Variants in SGK3 observed in about 807,000 individuals in gnomAD.
SGK3 encodes serine/threonine-protein kinase Sgk3.
In SGK3, 47 loss-of-function variants were observed where a neutral mutation model predicts 68.5. That is an observed-to-expected ratio of 0.69 (90% confidence interval 0.54 to 0.87). SGK3 has a LOEUF of 0.87. Among genes scored for constraint, SGK3 ranks in the 40% least tolerant of loss-of-function variants. SGK3 has a pLI of 0.00. For synonymous variants in SGK3, 181 were observed against 189.1 expected (o/e 0.96, Z 0.35); for missense variants, 479 against 575.5 (o/e 0.83, Z 1.72).
chr8:66,788,099 C>T (rs1563627567), intron 1 of SGK3, among the ~76,000 whole-genome samples: 2 of 152,190 alleles, frequency 1.3e-5, no homozygotes, highest in Non-Finnish European at 2.9e-5. Flanking sequence ...GCTAACTGGC[C>T]TTAGGATCCT....
At chr8:66,770,911 T>C in intron 1 of SGK3, among the ~76,000 whole-genome samples, 1 of 152,252 alleles carries the variant, frequency 6.6e-6, no homozygotes, top group Admixed American at 6.5e-5. Context: ...TTCCACTCCC[T>C]GTATCATGGT....
chr8:66,814,945 G>A (rs749576505), intron 5 of SGK3, among the ~76,000 whole-genome samples: 6 of 152,166 alleles, frequency 3.9e-5, no homozygotes, highest in Non-Finnish European at 7.3e-5. Context: ...TATTCTAAGA[G>A]GAAATGAAGA....
intron 2 of SGK3, among the ~76,000 whole-genome samples, chr8:66,795,249 G>T (rs558312075): frequency 1.3e-5 from 2 of 152,306 alleles, no homozygotes; most frequent in South Asian, 4.1e-4. Flanking sequence ...CAGTCCCTCT[G>T]TCCTCTCTTC....
intron 15 of SGK3, among the ~76,000 whole-genome samples, chr8:66,848,531 T>A (rs1400288019): frequency 2.0e-5 from 3 of 152,246 alleles, no homozygotes; most frequent in African/African-American, 7.2e-5. Flanking sequence ...CTTAGCTTCC[T>A]GCTATCAAAT....
chr8:66,725,036 C>G (rs1455408035), intron 1 of SGK3, among the ~76,000 whole-genome samples: 1 of 152,070 alleles, frequency 6.6e-6, no homozygotes, highest in Non-Finnish European at 1.5e-5. Flanking sequence ...ACCATCCTGG[C>G]TAACATGGTG....
At chr8:66,813,392 G>C (rs1255893066) in intron 4 of SGK3, among the ~76,000 whole-genome samples, 3 of 152,112 alleles carry the variant, frequency 2.0e-5, no homozygotes, top group Non-Finnish European at 4.4e-5. Context: ...GCGATATTCA[G>C]TTAACCAATT....
intron 2 of SGK3, among the ~76,000 whole-genome samples, chr8:66,798,296 C>T (rs1051353225): frequency 6.6e-6 from 1 of 152,132 alleles, no homozygotes; most frequent in African/African-American, 2.4e-5. Context: ...GCATGACCCA[C>T]TGAACCCAGC....
chr8:66,780,266 G>C (rs1204250340), intron 1 of SGK3, among the ~76,000 whole-genome samples: 1 of 152,082 alleles, frequency 6.6e-6, no homozygotes, highest in Non-Finnish European at 1.5e-5. Flanking sequence ...GCACACTTTG[G>C]CAAGTTGGAA....
intron 1 of SGK3, among the ~76,000 whole-genome samples, chr8:66,719,366 T>C (rs1804735507): frequency 6.6e-6 from 1 of 152,026 alleles, no homozygotes; most frequent in Admixed American, 6.6e-5. Context: ...TTAGTCTATC[T>C]CCCAGGCTGG....
chr8:66,857,701 T>A (rs139544442), intron 16 of SGK3, among the ~76,000 whole-genome samples: 1 of 152,122 alleles, frequency 6.6e-6, no homozygotes, highest in East Asian at 1.9e-4. Context: ...GATGATCCCT[T>A]GAGCCCAGGA....
intron 1 of SGK3, among the ~76,000 whole-genome samples, chr8:66,764,605 A>T (rs116395412): frequency 0.045 from 6,775 of 152,034 alleles, 201 homozygotes; most frequent in African/African-American, 0.086. Context: ...TGTAGCTGGG[A>T]CTACAGGCAT....
chr8:66,825,013 C>T (rs532380259), intron 6 of SGK3, among the ~76,000 whole-genome samples: 1 of 152,220 alleles, frequency 6.6e-6, no homozygotes, highest in African/African-American at 2.4e-5. Context: ...TTTTTAAAAT[C>T]TATGTAACCA....
At chr8:66,725,284 C>T (rs1343305026) in intron 1 of SGK3, among the ~76,000 whole-genome samples, 1 of 151,844 alleles carries the variant, frequency 6.6e-6, no homozygotes, top group African/African-American at 2.4e-5. Flanking sequence ...GCCTGTAATC[C>T]CAGCTACTTG....
chr8:66,735,028 G>T (rs1371304407), intron 1 of SGK3, among the ~76,000 whole-genome samples: 1 of 151,108 alleles, frequency 6.6e-6, no homozygotes, highest in Non-Finnish European at 1.5e-5. Context: ...TTTACTGTAT[G>T]ATGTTATAAT....
At chr8:66,789,587 G>A (rs1458017257) in intron 1 of SGK3, among the ~76,000 whole-genome samples, 2 of 152,324 alleles carry the variant, frequency 1.3e-5, no homozygotes, top group Admixed American at 6.5e-5. Context: ...ATTACCTCTG[G>A]AAGTCCCACT....
intron 6 of SGK3, among the ~76,000 whole-genome samples, chr8:66,825,329 CTTT>C (rs11347366): frequency 4.1e-5 from 5 of 123,024 alleles, no homozygotes; most frequent in Non-Finnish European, 3.3e-5. Context: ...TTATTAAGGA[CTTT>C]TTTTTTTTTT....
chr8:66,733,742 A>G (rs554073211), intron 1 of SGK3, among the ~76,000 whole-genome samples: 33 of 152,326 alleles, frequency 2.2e-4, no homozygotes, highest in African/African-American at 7.7e-4. Context: ...AAAAAACTTT[A>G]AAGATTATTA....
At chr8:66,838,686 A>T (rs1809641762) in intron 10 of SGK3, among the ~76,000 whole-genome samples, 1 of 152,200 alleles carries the variant, frequency 6.6e-6, no homozygotes, top group South Asian at 2.1e-4. Flanking sequence ...AAGATGCAAG[A>T]TAATGAAAAA....
intron 1 of SGK3, among the ~76,000 whole-genome samples, chr8:66,739,889 C>T (rs1805430414): frequency 6.6e-6 from 1 of 152,174 alleles, no homozygotes; most frequent in African/African-American, 2.4e-5. Context: ...CTCATGAGAA[C>T]TTATCTACTT....
Sources: allele counts gnomAD v4.1 joint callset (sites outside exome capture counted in the v4.1 genomes callset), GRCh38; gene constraint gnomAD v4.1.1; transcripts MANE v1.5; gene names NCBI Gene and HGNC (gene_info 2026-07-23, HGNC 2026-07-21).